Variants in MCMBP observed in about 807,000 individuals in gnomAD.
MCMBP encodes the protein mini-chromosome maintenance complex-binding protein.
In MCMBP, 31 loss-of-function variants were observed where a neutral mutation model predicts 81.3. The observed-to-expected ratio is 0.38, with a 90% CI of 0.29 to 0.51. MCMBP has a LOEUF of 0.51. Among genes scored for constraint, MCMBP ranks in the 20% least tolerant of loss-of-function variants. The pLI, the probability that MCMBP is intolerant of heterozygous loss-of-function variation, is 0.87. For synonymous variants in MCMBP, 267 were observed against 275.9 expected, an observed-to-expected ratio of 0.97 and a Z score of 0.32; for missense variants, 645 against 772.1, an observed-to-expected ratio of 0.84 and a Z score of 1.95.
At chr10:119,847,574 A>G in intron 8 of MCMBP, 39 bp downstream of exon 8, 1 of 1,264,600 alleles carries the variant, frequency 7.9e-7, no homozygotes, top group Middle Eastern at 1.9e-4. Flanking sequence ...GAAATTATAT[A>G]AAAATAAAGG....
Position 119,853,129 on chromosome 10 carries a change from CTT to C in MCMBP, c.493_494del (p.Lys165GlufsTer4). ...TATCGTCATCATCTTCATAACTCCT[CTT>C]GTGGCGACTAGGAGTGTAGGATGTT... is the stretch of plus-strand genomic sequence containing the variant. ...PSTSYTPSRH[K>X]RSYEDDDDMD... On this transcript the variant is annotated frameshift_variant, in exon 6 of 16. Coordinates refer to ENST00000369077, the MANE Select transcript of MCMBP (RefSeq NM_001256378.2). LOFTEE classifies it high-confidence loss of function. 6.2e-7 allele frequency: 1 copy of C among 1,614,168 alleles called. No individual in the cohort carries two copies. The highest frequency in any genetic ancestry group is 8.5e-7 in the Non-Finnish European group (1 of 1,180,024).
At chr10:119,838,998 C>A (rs1852343910) in intron 11 of MCMBP, among the ~76,000 whole-genome samples, 1 of 152,056 alleles carries the variant, frequency 6.6e-6, no homozygotes, top group African/African-American at 2.4e-5. Flanking sequence ...ATATTAAATA[C>A]CCCAAAACCT....
rs1791860468 is a variant in MCMBP at position 119,843,103 on chromosome 10, A to T, written c.1000+151T>A. ...AGTGAAGAGAATTAATGTAAGAGAAAAATGGGGCAACGAGAGAGAGATTAC... is the reference window on the plus strand; with the variant it reads ...AGTGAAGAGAATTAATGTAAGAGAATAATGGGGCAACGAGAGAGAGATTAC... On this transcript the variant is annotated intron_variant, in intron 9 of 15. Transcript: ENST00000369077. 8.2e-6 allele frequency: 7 copies of T among 851,514 alleles called. No individual in the cohort carries two copies. In the South Asian group the frequency reaches 1.0e-4, roughly 12 times the overall value. The allele number at this position is 851,514 out of a possible 1,614,324, so 52.7% of individuals were successfully genotyped here. A position where few individuals can be genotyped will look rare whatever the true frequency, so the allele number is the denominator to read the frequency against.
chr10:119,867,229 G>A (rs1414235952), intron 1 of MCMBP, among the ~76,000 whole-genome samples: 1 of 145,842 alleles, frequency 6.9e-6, no homozygotes, highest in Non-Finnish European at 1.5e-5. Context: ...GGAGGGAGAG[G>A]TTGCAGTGAG....
chr10:119,845,600 G>A (rs1002216436), intron 8 of MCMBP, among the ~76,000 whole-genome samples: 13 of 152,288 alleles, frequency 8.5e-5, no homozygotes, highest in African/African-American at 3.1e-4. Flanking sequence ...GGATAGCCGA[G>A]AATGACACCT....
intron 13 of MCMBP, 39 bp from the exon 14 acceptor site, chr10:119,835,743 T>G (rs997056930): frequency 6.3e-7 from 1 of 1,599,742 alleles, no homozygotes. Flanking sequence ...TCTGAGTTCC[T>G]AAATTAATCT....
intron 8 of MCMBP, among the ~76,000 whole-genome samples, chr10:119,843,942 G>A (rs961008618): frequency 7.2e-5 from 11 of 152,064 alleles, no homozygotes; most frequent in Non-Finnish European, 1.5e-4. Flanking sequence ...GATTACAGGC[G>A]TGAGCCACCA....
At chr10:119,850,870 A>ATCTT (rs201369588) in intron 6 of MCMBP, among the ~76,000 whole-genome samples, 6,284 of 146,042 alleles carry the variant, frequency 0.043, 293 homozygotes, top group South Asian at 0.24. Flanking sequence ...GGTATACAAG[A>ATCTT]TCTGTTTTTT....
chr10:119,836,113 C>A (rs532041789), intron 13 of MCMBP, among the ~76,000 whole-genome samples: 12 of 152,204 alleles, frequency 7.9e-5, no homozygotes, highest in Non-Finnish European at 1.6e-4. Flanking sequence ...GGATTACAGG[C>A]GTGAGCCACC....
intron 4 of MCMBP, among the ~76,000 whole-genome samples, chr10:119,858,468 T>C (rs986516632): frequency 2.0e-5 from 3 of 152,178 alleles, no homozygotes; most frequent in Non-Finnish European, 2.9e-5. Flanking sequence ...TATATGACTT[T>C]TGAATCTCAT....
At position 119,867,197 on chromosome 10, in the gene MCMBP, G is replaced by C. The variant is rs143776286; in HGVS notation, c.58+5330C>G. ...AGTCCCAGCTACTCAAGAGGCTGAGGCATGAGAATCGCTTGAACCTGGGAG... is the reference window on the plus strand; with the variant it reads ...AGTCCCAGCTACTCAAGAGGCTGAGCCATGAGAATCGCTTGAACCTGGGAG... On this transcript the variant is annotated intron_variant, in intron 1 of 15. Coordinates refer to ENST00000369077, the MANE Select transcript of MCMBP (RefSeq NM_001256378.2). Among the ~76,000 whole-genome samples the C allele has an allele frequency of 0.011, 1,677 of 149,004 alleles. 121 individuals are homozygous for C. In the East Asian group the frequency reaches 0.17, roughly 15 times the overall value.
chr10:119,841,756 G>C (rs1240005544), intron 10 of MCMBP, among the ~76,000 whole-genome samples: 1 of 152,220 alleles, frequency 6.6e-6, no homozygotes, highest in African/African-American at 2.4e-5. Context: ...TTTAAAATGA[G>C]AAACAAAGAA....
At chr10:119,870,092 T>C (rs1037256470) in intron 1 of MCMBP, among the ~76,000 whole-genome samples, 1 of 152,190 alleles carries the variant, frequency 6.6e-6, no homozygotes, top group Admixed American at 6.5e-5. Flanking sequence ...ACACCTAACT[T>C]AAAATATATG....
intron 5 of MCMBP, among the ~76,000 whole-genome samples, chr10:119,857,097 C>CAA (rs34331152): frequency 0.038 from 3,129 of 81,964 alleles, 89 homozygotes; most frequent in Middle Eastern, 0.053. Context: ...GTCCCTATCT[C>CAA]AAAAAAAAAA....
intron 1 of MCMBP, among the ~76,000 whole-genome samples, chr10:119,869,784 A>G (rs1853602745): frequency 6.6e-6 from 1 of 152,198 alleles, no homozygotes; most frequent in African/African-American, 2.4e-5. Context: ...GATAAGATAC[A>G]GTGACCAAAT....
chr10:119,865,554 C>G (rs1853421703), intron 1 of MCMBP, among the ~76,000 whole-genome samples: 1 of 152,074 alleles, frequency 6.6e-6, no homozygotes, highest in Admixed American at 6.6e-5. Flanking sequence ...AAAAGTTTGG[C>G]AATTCCTCAA....
chr10:119,864,769 G>T (rs1439192099), intron 1 of MCMBP, among the ~76,000 whole-genome samples: 2 of 152,092 alleles, frequency 1.3e-5, no homozygotes, highest in African/African-American at 4.8e-5. Flanking sequence ...AATTAAGGCA[G>T]CTAATGCATC....
intron 1 of MCMBP, among the ~76,000 whole-genome samples, chr10:119,870,767 C>G (rs78527421): frequency 6.6e-6 from 1 of 152,146 alleles, no homozygotes; most frequent in African/African-American, 2.4e-5. Context: ...CACAGTGATA[C>G]GAAAATATAG....
rs1200623402 is a variant in MCMBP, at chr10:119,833,492, GA to G, written c.1708-1393del. ...TCATCACTACAAAAAAAAAAAGAAA[GA>G]AAAAAAAAGAAAAGAAAAAACAAAA... On this transcript the variant is annotated intron_variant, in intron 14 of 15. Transcript: ENST00000369077. Among the ~76,000 whole-genome samples, 6 of 149,166 alleles carry G rather than the reference GA, an allele frequency of 4.0e-5. No individual in the cohort carries two copies. In the East Asian group the frequency reaches 5.9e-4, roughly 15 times the overall value.
Sources: allele counts gnomAD v4.1 joint callset (sites outside exome capture counted in the v4.1 genomes callset), GRCh38; gene constraint gnomAD v4.1.1; transcripts MANE v1.5; gene names NCBI Gene and HGNC (gene_info 2026-07-23, HGNC 2026-07-21).